The following CPA6 variants were observed in gnomAD, a reference collection of about 807,000 sequenced individuals.
CPA6 encodes the protein carboxypeptidase B.
In CPA6, 58 loss-of-function variants were observed where a neutral mutation model predicts 63.3. The ratio of observed to expected loss-of-function variants is 0.92; its 90% CI spans 0.74 to 1.14. CPA6 has a LOEUF of 1.14. CPA6 is among the 50% of genes most tolerant of loss of function. CPA6 has a pLI of 0.00. For synonymous variants in CPA6, 185 were observed against 179.0 expected (o/e 1.03, Z -0.27); for missense variants, 565 against 526.6 (o/e 1.07, Z -0.71).
At chr8:67,460,928 T>A (rs2128957103) in intron 8 of CPA6, among the ~76,000 whole-genome samples, 1 of 152,274 alleles carries the variant, frequency 6.6e-6, no homozygotes, top group Non-Finnish European at 1.5e-5. Context: ...TGGTGTTGAT[T>A]AGACTAGATT....
intron 1 of CPA6, among the ~76,000 whole-genome samples, chr8:67,683,514 C>A (rs1396080588): frequency 6.6e-6 from 1 of 152,110 alleles, no homozygotes; most frequent in Non-Finnish European, 1.5e-5. Context: ...ATTCAAACTC[C>A]TACTCTGACA....
At position 67,475,843 on chromosome 8, in the gene CPA6, C is replaced by G. The variant is rs1191311092; in HGVS notation, c.838+7925G>C. Among the ~76,000 whole-genome samples, 3 of 67,156 alleles carry G rather than the reference C, an allele frequency of 4.5e-5. No homozygotes were observed. In the East Asian group the frequency reaches 1.2e-3, roughly 26 times the overall value. 44.1% of individuals were successfully genotyped at this position (67,156 alleles called of 152,430 possible). ...CTTTCTTTTCTTTCTTTCTTTCTTT[C>G]TTTCTTTCTTTCTTTCTTTCTTTCT... On this transcript the variant is annotated intron_variant, in intron 8 of 10. Coordinates refer to ENST00000297770, the MANE Select transcript of CPA6 (RefSeq NM_020361.5).
At chr8:67,520,324 C>T (rs1812234019) in intron 2 of CPA6, among the ~76,000 whole-genome samples, 1 of 152,054 alleles carries the variant, frequency 6.6e-6, no homozygotes, top group Non-Finnish European at 1.5e-5. Context: ...TGAAATGGAC[C>T]CTACAGCAAG....
chr8:67,464,138 T>G (rs981281966), intron 8 of CPA6, among the ~76,000 whole-genome samples: 12 of 152,202 alleles, frequency 7.9e-5, no homozygotes, highest in African/African-American at 2.9e-4. Flanking sequence ...CACCAGTGTA[T>G]TAGCATTCCT....
At chr8:67,699,589 CTTTT>C in intron 1 of CPA6, among the ~76,000 whole-genome samples, 1 of 146,640 alleles carries the variant, frequency 6.8e-6, no homozygotes, top group South Asian at 2.2e-4. Flanking sequence ...GTTTTTTCTT[CTTTT>C]TTTTTTTTCT....
rs560602952 is a variant in CPA6, at chr8:67,653,470, T to C, written c.117-29219A>G. Among the ~76,000 whole-genome samples the C allele has an allele frequency of 2.7e-5, 4 of 150,822 alleles. No homozygotes were observed. In the South Asian group the frequency reaches 8.5e-4, roughly 32 times the overall value. On this transcript the variant is annotated intron_variant, in intron 1 of 10. Transcript: ENST00000297770. ...AGAGGTCCTTCACATCCCTTGTAAG[T>C]TGGATTCCTAGGTATTTTATTCTCT... is the stretch of plus-strand genomic sequence containing the variant.
chr8:67,486,429 A>G (rs1048548142), intron 6 of CPA6, among the ~76,000 whole-genome samples: 22 of 152,364 alleles, frequency 1.4e-4, no homozygotes, highest in African/African-American at 5.3e-4. Flanking sequence ...AGTTTTCCAC[A>G]TGAAAAAATA....
intron 8 of CPA6, among the ~76,000 whole-genome samples, chr8:67,447,506 TACACACACACACACACACACACAC>T (rs56840320): frequency 7.0e-6 from 1 of 142,550 alleles, no homozygotes; most frequent in Non-Finnish European, 1.5e-5. Flanking sequence ...TATGTGTGTA[TACACACACACACACACACACACAC>T]ACACACACAC....
chr8:67,564,097 G>A (rs925901696), intron 2 of CPA6, among the ~76,000 whole-genome samples: 27 of 152,148 alleles, frequency 1.8e-4, no homozygotes, highest in Non-Finnish European at 1.5e-5. Context: ...GGATGTGGAA[G>A]GGCACCTGCC....
chr8:67,569,787 G>A, intron 2 of CPA6: 1 of 201,448 alleles, frequency 5.0e-6, no homozygotes, highest in Admixed American at 5.9e-5. Context: ...GGTTTTTAAG[G>A]GAAGCTGAGA....
intron 2 of CPA6, among the ~76,000 whole-genome samples, chr8:67,536,453 T>G (rs988870027): frequency 6.6e-6 from 1 of 152,106 alleles, no homozygotes; most frequent in African/African-American, 2.4e-5. Flanking sequence ...ATTCTCTTTG[T>G]AGCAATTGTG....
In CPA6 at chr8:67,713,204, G is replaced by A. The variant is rs78775916; in HGVS notation, c.116+32810C>T. 4.8e-4 allele frequency among the ~76,000 whole-genome samples: 70 copies of A among 146,056 alleles called. No individual in the cohort carries two copies. The East Asian group carries it at 0.011, about 23-fold the overall frequency. Reference sequence around the variant, plus strand: ...CTGGGGATTCTGGAACATATCCCCCGTGAACAAGGGAGGACTACTGTACCT... The same window carrying A: ...CTGGGGATTCTGGAACATATCCCCCATGAACAAGGGAGGACTACTGTACCT... On this transcript the variant is annotated intron_variant, in intron 1 of 10. Coordinates refer to ENST00000297770, the MANE Select transcript of CPA6 (RefSeq NM_020361.5).
intron 2 of CPA6, among the ~76,000 whole-genome samples, chr8:67,584,655 C>A (rs187031088): frequency 3.4e-4 from 52 of 152,240 alleles, no homozygotes; most frequent in African/African-American, 1.2e-3. Context: ...CCTGCTCCGA[C>A]TATAGTGCTG....
intron 1 of CPA6, 109 bp downstream of exon 1, chr8:67,745,905 A>G (rs567035404): frequency 4.6e-6 from 3 of 646,380 alleles, no homozygotes; most frequent in Non-Finnish European, 8.0e-6. Flanking sequence ...GAAAGTGTGC[A>G]GATTCACTCA....
intron 8 of CPA6, among the ~76,000 whole-genome samples, chr8:67,468,425 A>C (rs1205003576): frequency 6.6e-6 from 1 of 151,440 alleles, no homozygotes; most frequent in Non-Finnish European, 1.5e-5. Flanking sequence ...TCTACTAAAA[A>C]TACTAAAAAA....
At chr8:67,682,285 C>T (rs1563391111) in intron 1 of CPA6, among the ~76,000 whole-genome samples, 1 of 152,110 alleles carries the variant, frequency 6.6e-6, no homozygotes, top group Non-Finnish European at 1.5e-5. Context: ...TCTTCAAGTT[C>T]ACTAGTCTTT....
intron 1 of CPA6, among the ~76,000 whole-genome samples, chr8:67,707,467 T>C (rs1168316164): frequency 6.6e-6 from 1 of 152,246 alleles, no homozygotes; most frequent in African/African-American, 2.4e-5. Context: ...CTCTAAAATT[T>C]AGAAACTATA....
intron 9 of CPA6, 127 bp downstream of exon 9, chr8:67,433,911 T>G (rs2128952230): frequency 1.5e-6 from 1 of 674,492 alleles, no homozygotes; most frequent in Admixed American, 2.6e-5. Flanking sequence ...AATGAATTAA[T>G]ACATGTAAAA....
chr8:67,558,567 T>C (rs1813122705), intron 2 of CPA6, among the ~76,000 whole-genome samples: 1 of 152,254 alleles, frequency 6.6e-6, no homozygotes, highest in South Asian at 2.1e-4. Context: ...ATAACTTCTA[T>C]TGTTCTAAGC....
Sources: gnomAD v4.1 joint callset for allele counts (sites outside exome capture counted in the v4.1 genomes callset) on GRCh38, gnomAD v4.1.1 for gene constraint, MANE v1.5 for transcripts, NCBI Gene and HGNC (gene_info 2026-07-23, HGNC 2026-07-21) for gene names.